Variants in TMC3 observed in about 807,000 individuals in gnomAD.
TMC3 encodes transmembrane channel like 3, also known as transmembrane channel-like protein 3.
A neutral mutation model predicts 110.6 loss-of-function variants in TMC3; 98 were observed. That is an observed-to-expected ratio of 0.89 (90% CI 0.75 to 1.05). The LOEUF is 1.05. TMC3 is among the 50% of genes least tolerant of loss of function. The pLI, the probability that TMC3 is intolerant of heterozygous loss-of-function variation, is 0.00. For missense variants in TMC3, 1,319 were observed against 1,373.2 expected (o/e 0.96, Z 0.62); for synonymous variants, 489 against 513.1 (o/e 0.95, Z 0.63).
chr15:81,357,853 C>T (rs535227636), intron 7 of TMC3, among the ~76,000 whole-genome samples: 7 of 152,286 alleles, frequency 4.6e-5, no homozygotes, highest in Admixed American at 4.6e-4. Context: ...CTTGTATTTC[C>T]AGGCCCAATA....
At position 81,331,745 on chromosome 15, in the gene TMC3, A is replaced by T. The variant is rs1893465876; in HGVS notation, c.*674T>A. 1 of 152,222 alleles carries T rather than the reference A, an allele frequency of 6.6e-6. No homozygotes were observed. The highest frequency in any genetic ancestry group is 2.1e-4 in the South Asian group (1 of 4,832). 9.4% of individuals were successfully genotyped at this position (152,222 alleles called of 1,614,324 possible). ...GTCAGGAGTTGGGCGAGTGGGCTCA[A>T]ACATGCGCACTAAGAGACAAAATGG... On this transcript the variant is annotated 3_prime_UTR_variant, in exon 22 of 22. Transcript: ENST00000359440.
Position 81,374,097 on chromosome 15 carries a change from ACAAT to A in TMC3, c.-24_-21del, listed in dbSNP as rs1894497100. ...TTTCATGGGAGCTAACCCACTGCTA[ACAAT>A]CAGAAGCTGGCCAGAGAGCTAGGAA... On this transcript the variant is annotated 5_prime_UTR_variant, in exon 1 of 22. Transcript: ENST00000359440. 1 of 1,610,752 alleles carries A rather than the reference ACAAT, an allele frequency of 6.2e-7. No individual in the cohort carries two copies. The highest frequency in any genetic ancestry group is 1.3e-5 in the African/African-American group (1 of 74,930).
chr15:81,370,759 C>T (rs1894416358), intron 2 of TMC3, among the ~76,000 whole-genome samples: 1 of 151,178 alleles, frequency 6.6e-6, no homozygotes. Flanking sequence ...ACTGCAACCT[C>T]TTCCTCCCGG....
intron 3 of TMC3, among the ~76,000 whole-genome samples, chr15:81,364,872 T>C (rs1219778868): frequency 2.0e-5 from 3 of 151,588 alleles, no homozygotes; most frequent in Non-Finnish European, 2.9e-5. Flanking sequence ...TATAGGAATA[T>C]GCTGATGCTT....
At chr15:81,365,951 G>C (rs78750405) in intron 3 of TMC3, among the ~76,000 whole-genome samples, 2,358 of 152,178 alleles carry the variant, frequency 0.015, 85 homozygotes, top group African/African-American at 0.055. Context: ...CATGTTGTTA[G>C]ATATGTGATA....
intron 4 of TMC3, among the ~76,000 whole-genome samples, chr15:81,360,550 G>A (rs1052262005): frequency 6.6e-6 from 1 of 152,126 alleles, no homozygotes; most frequent in Non-Finnish European, 1.5e-5. Context: ...CTTGAGAAAG[G>A]GATTTGGCTA....
intron 14 of TMC3, 75 bp downstream of exon 14, chr15:81,343,842 G>A: frequency 6.5e-7 from 1 of 1,534,914 alleles, no homozygotes; most frequent in South Asian, 1.2e-5. Context: ...ATGCTGGACT[G>A]TTTCCCAGCC....
intron 9 of TMC3, among the ~76,000 whole-genome samples, chr15:81,353,566 A>G (rs1450010479): frequency 6.6e-6 from 1 of 152,232 alleles, no homozygotes; most frequent in African/African-American, 2.4e-5. Flanking sequence ...TAGATACACA[A>G]ATACCATTGT....
At chr15:81,362,413 T>C in intron 3 of TMC3, 112 bp from the exon 4 acceptor site, 1 of 766,648 alleles carries the variant, frequency 1.3e-6, no homozygotes, top group Non-Finnish European at 2.1e-6. Flanking sequence ...GTACCTTTAA[T>C]TATGATTATG....
chr15:81,332,753 C>T lies in TMC3; in HGVS notation c.2969G>A (p.Arg990Lys), dbSNP rs777072766. 18 of 1,613,012 alleles carry T rather than the reference C, an allele frequency of 1.1e-5. No individual in the cohort carries two copies. Among genetic ancestry groups the T allele is most frequent in the East Asian group, 4.5e-5 (2 of 44,848 alleles). The change falls in exon 22 of 22, where the codon AGG (arginine) becomes AAG (lysine). Residue 990 changes from arginine (R) to lysine (K), a missense_variant. Physicochemically the swap from Arg to Lys is conservative, Grantham distance 26. Coordinates refer to ENST00000359440, the MANE Select transcript of TMC3 (RefSeq NM_001080532.3). ...TTCATTCCACGACTTGTAGTGCACCCTCCCCTGGTGCTCGGGATCCCGGGT... is the reference window on the plus strand; with the variant it reads ...TTCATTCCACGACTTGTAGTGCACCTTCCCCTGGTGCTCGGGATCCCGGGT... ...SQTRDPEHQGRVHYKSWNEDF... is the reference protein window; with the variant it reads ...SQTRDPEHQGKVHYKSWNEDF...
intron 9 of TMC3, 128 bp from the exon 10 acceptor site, chr15:81,351,969 A>G (rs769236048): frequency 1.2e-4 from 131 of 1,100,894 alleles, no homozygotes; most frequent in Non-Finnish European, 1.4e-4. Flanking sequence ...TGAAGCATCA[A>G]TGCACTTCCA....
intron 20 of TMC3, among the ~76,000 whole-genome samples, chr15:81,336,283 A>G (rs1191110992): frequency 6.6e-6 from 1 of 152,200 alleles, no homozygotes; most frequent in African/African-American, 2.4e-5. Context: ...AAAAAATATT[A>G]GGACAGGTGC....
intron 10 of TMC3, among the ~76,000 whole-genome samples, chr15:81,349,917 A>T: frequency 6.7e-6 from 1 of 149,294 alleles, no homozygotes; most frequent in Admixed American, 6.7e-5. Context: ...GAGGCCAGGC[A>T]TTGAAGACCA....
In TMC3 at chr15:81,337,894, T is replaced by C. The variant is rs772062062; in HGVS notation, c.2112A>G (p.Ala704=). ...FMLIYYLQSI[A]RSLKLSNHQL... is the part of the protein sequence containing the mutation. ...GGTGGTTGCTGAGCTTTAGAGACCG[T>C]GCGATGCTCTGGAGATAATAGATGA... Residue 704 remains alanine (A), a synonymous_variant, in exon 19 of 22, where the codon GCA becomes GCG. Coordinates refer to ENST00000359440, the MANE Select transcript of TMC3 (RefSeq NM_001080532.3). 3 of 1,614,012 alleles carry C rather than the reference T, an allele frequency of 1.9e-6. No homozygotes were observed. The highest frequency in any genetic ancestry group is 1.7e-6 in the Non-Finnish European group (2 of 1,179,868).
In TMC3 at chr15:81,344,950, C is replaced by A; in HGVS notation, c.1334G>T (p.Arg445Met). 1.2e-6 allele frequency: 2 copies of A among 1,611,394 alleles called. No homozygotes were observed. Among genetic ancestry groups the A allele is most frequent in the Non-Finnish European group, 1.7e-6 (2 of 1,178,848 alleles). Residue 445 changes from arginine to methionine, a missense_variant, in exon 13 of 22, where the codon AGG (arginine) becomes ATG (methionine). Transcript: ENST00000359440. ...WIDSTTFFAT[R>M]TAPEEEKWST... is the part of the protein sequence containing the mutation. ...CCATTTCTCTTCTTCAGGGGCTGTCCTGGTTGCAAAGAAGGTGGTGGAATC... is the reference window on the plus strand; with the variant it reads ...CCATTTCTCTTCTTCAGGGGCTGTCATGGTTGCAAAGAAGGTGGTGGAATC...
intron 10 of TMC3, among the ~76,000 whole-genome samples, chr15:81,351,088 A>G (rs920567729): frequency 6.6e-6 from 1 of 152,234 alleles, no homozygotes; most frequent in Non-Finnish European, 1.5e-5. Context: ...ATGTGAAGAA[A>G]CAGATGTGCA....
In TMC3 at chr15:81,334,900, G is replaced by T. The variant is rs374808114; in HGVS notation, c.2279C>A (p.Ala760Glu). 2.5e-6 allele frequency: 4 copies of T among 1,613,902 alleles called. No individual in the cohort carries two copies. Among genetic ancestry groups the T allele is most frequent in the Admixed American group, 1.7e-5 (1 of 60,010 alleles). Residue 760 changes from alanine (A) to glutamate (E), a missense_variant, in exon 21 of 22, where the codon GCG (alanine) becomes GAG (glutamate). Physicochemically the swap from Ala to Glu is moderately radical, Grantham distance 107. Coordinates refer to ENST00000359440, the MANE Select transcript of TMC3 (RefSeq NM_001080532.3). ...DSDLTSQLSS[A>E]HSGTPQNNGN... ...GTTGTTTTGGGGTGTGCCCGAGTGC[G>T]CTGAGGACAGCTGGCTGGTAAGATC...
At position 81,362,268 on chromosome 15, in the gene TMC3, A is replaced by T; in HGVS notation, c.346T>A (p.Phe116Ile). The change falls in exon 4 of 22, where the codon TTT (phenylalanine) becomes ATT (isoleucine). Residue 116 changes from phenylalanine to isoleucine, a missense_variant. Phe to Ile is a conservative substitution (Grantham distance 21). Transcript: ENST00000359440. ...TCCCAGGGAATGAAGATGACCACAAAGTTACAGGCGAGACGAGCAAATTTC... is the reference window on the plus strand; with the variant it reads ...TCCCAGGGAATGAAGATGACCACAATGTTACAGGCGAGACGAGCAAATTTC... ...WRKFARLACNFVVIFIPWEMR... is the reference protein window; with the variant it reads ...WRKFARLACNIVVIFIPWEMR... 1 of 1,612,820 alleles carries T rather than the reference A, an allele frequency of 6.2e-7. No individual in the cohort carries two copies. Among genetic ancestry groups the T allele is most frequent in the Non-Finnish European group, 8.5e-7 (1 of 1,179,300 alleles).
chr15:81,369,191 C>T (rs989569030), intron 2 of TMC3, among the ~76,000 whole-genome samples: 5 of 152,066 alleles, frequency 3.3e-5, no homozygotes, highest in Non-Finnish European at 5.9e-5. Context: ...CTCTGGTCTG[C>T]GCATCACAGC....
Sources: gnomAD v4.1 joint callset for allele counts (sites outside exome capture counted in the v4.1 genomes callset) on GRCh38, gnomAD v4.1.1 for gene constraint, MANE v1.5 for transcripts, NCBI Gene and HGNC (gene_info 2026-07-23, HGNC 2026-07-21) for gene names.